The following SLC9A1 variants were observed in gnomAD, a reference collection of about 807,000 sequenced individuals.
SLC9A1 encodes the protein solute carrier family 9 member A1, also known as sodium/hydrogen exchanger 1.
Under a neutral mutation model 67.9 loss-of-function variants are expected in SLC9A1, and 22 were observed. The observed-to-expected ratio is 0.32, with a 90% CI of 0.23 to 0.46. The LOEUF is 0.46. Ranked by LOEUF, SLC9A1 falls within the 20% of genes least tolerant of loss-of-function variation. The pLI is 1.00. For missense variants in SLC9A1, 686 were observed against 1,094.8 expected, an observed-to-expected ratio of 0.63 and a Z score of 5.27; for synonymous variants, 421 against 471.8, an observed-to-expected ratio of 0.89 and a Z score of 1.40.
In SLC9A1 at chr1:27,154,613, G is replaced by A. The variant is rs1297161908; in HGVS notation, c.-279C>T. Reference sequence around the variant, plus strand: ...CTCCGGGCCTGGGAAGGGGGAGGACGGATGTGGGAAACTGAGCCCTAGGGA... The same window carrying A: ...CTCCGGGCCTGGGAAGGGGGAGGACAGATGTGGGAAACTGAGCCCTAGGGA... On this transcript the variant is annotated 5_prime_UTR_variant, in exon 1 of 12. Transcript: ENST00000263980. 6.7e-5 allele frequency: 26 copies of A among 389,966 alleles called. No homozygotes were observed. 24.2% of individuals were successfully genotyped at this position (389,966 alleles called of 1,614,324 possible). A position where few individuals can be genotyped will look rare whatever the true frequency, so the allele number is the denominator to read the frequency against.
intron 1 of SLC9A1, among the ~76,000 whole-genome samples, chr1:27,123,509 CTTT>C (rs890523683): frequency 7.0e-6 from 1 of 143,498 alleles, no homozygotes; most frequent in African/African-American, 2.6e-5. Flanking sequence ...TTTTATTGGG[CTTT>C]TTTTTTTTTA....
intron 1 of SLC9A1, among the ~76,000 whole-genome samples, chr1:27,124,873 C>T (rs1269474602): frequency 1.3e-5 from 2 of 152,030 alleles, no homozygotes; most frequent in African/African-American, 4.8e-5. Context: ...GATGGGGGGC[C>T]TTCCCAGAGG....
chr1:27,144,505 A>T (rs1345495472), intron 1 of SLC9A1, among the ~76,000 whole-genome samples: 2 of 152,192 alleles, frequency 1.3e-5, no homozygotes, highest in African/African-American at 4.8e-5. Flanking sequence ...GCTCCCAGCG[A>T]GCTCAGTTAA....
At chr1:27,107,901 C>T (rs780567371) in intron 3 of SLC9A1, 36 bp from the exon 4 acceptor site, 30 of 1,468,926 alleles carry the variant, frequency 2.0e-5, no homozygotes, top group Admixed American at 1.9e-4. Context: ...GGCTCCGTGT[C>T]GAGCTGCACC....
intron 1 of SLC9A1, among the ~76,000 whole-genome samples, chr1:27,123,674 C>T (rs1048998235): frequency 6.7e-6 from 1 of 150,032 alleles, no homozygotes; most frequent in Non-Finnish European, 1.5e-5. Flanking sequence ...CCACACCTGG[C>T]TAATTTTTGT....
Position 27,106,238 on chromosome 1 carries a change from T to G in SLC9A1, c.1283-151A>C, listed in dbSNP as rs2083184237. 2 of 627,466 alleles carry G rather than the reference T, an allele frequency of 3.2e-6. No homozygotes were observed. The highest frequency in any genetic ancestry group is 5.7e-6 in the Non-Finnish European group (2 of 349,388). 38.9% of individuals were successfully genotyped at this position (627,466 alleles called of 1,614,324 possible). A position where few individuals can be genotyped will look rare whatever the true frequency, so the allele number is the denominator to read the frequency against. On this transcript the variant is annotated intron_variant, in intron 4 of 11. Coordinates refer to ENST00000263980, the MANE Select transcript of SLC9A1 (RefSeq NM_003047.5). The surrounding 1 kb of genome is among the most constrained non-coding windows in gnomAD (Gnocchi z 4.3). The stretch of plus-strand genomic sequence containing the variant: ...AATTCCTGGGTCCCTCAGCCCAGAG[T>G]GCTCTGAACTCCTCAATCCAAGAGC...
intron 1 of SLC9A1, among the ~76,000 whole-genome samples, chr1:27,142,885 C>A (rs1229635297): frequency 6.6e-6 from 1 of 152,008 alleles, no homozygotes; most frequent in African/African-American, 2.4e-5. Flanking sequence ...ATTCTGCAGT[C>A]CCACAGGCAA....
rs1359689057 is a variant in SLC9A1, at chr1:27,100,547, C to G, written c.2208G>C (p.Glu736Asp). ...TCAACCCTAAGACTTTGCCCTTCAG[C>G]TCTTCATTCACCAGGTCCACAGACT... ...SPESVDLVNE[E>D]LKGKVLGLSR... The change falls in exon 12 of 12, where the codon GAG becomes GAC. Residue 736 changes from glutamate to aspartate, a missense_variant. Physicochemically the swap from Glu to Asp is conservative, Grantham distance 45. Coordinates refer to ENST00000263980, the MANE Select transcript of SLC9A1 (RefSeq NM_003047.5). The surrounding 1 kb of genome is among the most constrained non-coding windows in gnomAD (Gnocchi z 5.6). The G allele has an allele frequency of 6.2e-7, 1 of 1,614,070 alleles. No individual in the cohort carries two copies. The highest frequency in any genetic ancestry group is 1.7e-5 in the Admixed American group (1 of 60,014).
Position 27,106,825 on chromosome 1 carries a change from C to T in SLC9A1, c.1283-738G>A, listed in dbSNP as rs1465956100. Among the ~76,000 whole-genome samples, 1 of 152,002 alleles carries T rather than the reference C, an allele frequency of 6.6e-6. No individual in the cohort carries two copies. Among genetic ancestry groups the T allele is most frequent in the Non-Finnish European group, 1.5e-5 (1 of 67,958 alleles). ...CTGTCTTGAGACAGTGCAGAGAGCA[C>T]TCAGCTCAGAGTCACAGACCTGGGT... On this transcript the variant is annotated intron_variant, in intron 4 of 11. Transcript: ENST00000263980. The surrounding 1 kb of genome is among the most constrained non-coding windows in gnomAD (Gnocchi z 4.3).
rs558936275 is a variant in SLC9A1, at chr1:27,101,373, C to A, written c.2038-98G>T. 13 of 920,500 alleles carry A rather than the reference C, an allele frequency of 1.4e-5. No individual in the cohort carries two copies. In the South Asian group the frequency reaches 1.9e-4, roughly 13 times the overall value. The allele number at this position is 920,500 out of a possible 1,614,324, so 57.0% of individuals were successfully genotyped here. A position where few individuals can be genotyped will look rare whatever the true frequency, so the allele number is the denominator to read the frequency against. On this transcript the variant is annotated intron_variant, in intron 10 of 11. Coordinates refer to ENST00000263980, the MANE Select transcript of SLC9A1 (RefSeq NM_003047.5). This position sits in a 1 kb window ranked among gnomAD's most constrained non-coding sequence, Gnocchi z 4.9. Reference sequence around the variant, plus strand: ...GTGCACACCCCACCTTTCGTATATGCAGGGCGCTTGCTCCCCCTCCCTTGT... The same window carrying A: ...GTGCACACCCCACCTTTCGTATATGAAGGGCGCTTGCTCCCCCTCCCTTGT...
chr1:27,114,048 C>T lies in SLC9A1; in HGVS notation c.591G>A (p.Thr197=), dbSNP rs371415963. ...CGCCCAGGAAGAAGGCGTTCCACAG[C>T]GTGCCCACCACGGCAAAGATCAGGA... ...GTILIFAVVG[T]LWNAFFLGGL... The change falls in exon 2 of 12, where the codon ACG becomes ACA. Residue 197 remains threonine (T), a synonymous_variant. Coordinates refer to ENST00000263980, the MANE Select transcript of SLC9A1 (RefSeq NM_003047.5). This position sits in a 1 kb window ranked among gnomAD's most constrained non-coding sequence, Gnocchi z 5.4. 6.2e-6 allele frequency: 10 copies of T among 1,614,024 alleles called. No individual in the cohort carries two copies. The East Asian group carries it at 8.9e-5, about 14-fold the overall frequency.
chr1:27,120,434 C>CT (rs960452243), intron 1 of SLC9A1, among the ~76,000 whole-genome samples: 1 of 150,922 alleles, frequency 6.6e-6, no homozygotes, highest in Admixed American at 6.6e-5. Context: ...CCAAATAATA[C>CT]TTTTTTTAAA....
At position 27,100,350 on chromosome 1, in the gene SLC9A1, G is replaced by A. The variant is rs201599200; in HGVS notation, c.2405C>T (p.Pro802Leu). ...QRCLSDPGPH[P>L]EPGEGEPFFP... Reference sequence around the variant, plus strand: ...GAACGGTTCTCCCTCCCCAGGCTCAGGGTGTGGGCCTGGGTCACTGAGGCA... The same window carrying A: ...GAACGGTTCTCCCTCCCCAGGCTCAAGGTGTGGGCCTGGGTCACTGAGGCA... Residue 802 changes from proline to leucine, a missense_variant, in exon 12 of 12, where the codon CCT (proline) becomes CTT (leucine). Physicochemically the swap from Pro to Leu is moderately conservative, Grantham distance 98. Coordinates refer to ENST00000263980, the MANE Select transcript of SLC9A1 (RefSeq NM_003047.5). This position sits in a 1 kb window ranked among gnomAD's most constrained non-coding sequence, Gnocchi z 5.6. 18 of 1,551,414 alleles carry A rather than the reference G, an allele frequency of 1.2e-5. No homozygotes were observed.
Position 27,109,795 on chromosome 1 carries a change from G to A in SLC9A1, c.814-18C>T, listed in dbSNP as rs904467094. The A allele has an allele frequency of 1.9e-6, 3 of 1,612,648 alleles. No individual in the cohort carries two copies. The highest frequency in any genetic ancestry group is 3.3e-5 in the Admixed American group (2 of 60,008). On this transcript the variant is annotated intron_variant, in intron 2 of 11. Transcript: ENST00000263980. The surrounding 1 kb of genome is among the most constrained non-coding windows in gnomAD (Gnocchi z 5.5). Reference sequence around the variant, plus strand: ...TACAGGACCTGGGGAGGGTGTGCAGGCTGGTGGGTGGGAGGAGAGGGCCCT... The same window carrying A: ...TACAGGACCTGGGGAGGGTGTGCAGACTGGTGGGTGGGAGGAGAGGGCCCT...
intron 2 of SLC9A1, among the ~76,000 whole-genome samples, chr1:27,110,586 T>G (rs1374579453): frequency 6.6e-6 from 1 of 152,198 alleles, no homozygotes; most frequent in African/African-American, 2.4e-5. Context: ...CCTTTGATAG[T>G]CTTTATCTGA....
At chr1:27,119,269 A>G (rs542253931) in intron 1 of SLC9A1, among the ~76,000 whole-genome samples, 1 of 152,258 alleles carries the variant, frequency 6.6e-6, no homozygotes, top group South Asian at 2.1e-4. Context: ...GTGACCAGAC[A>G]TGCCTGATCC....
At chr1:27,107,969 C>A in intron 3 of SLC9A1, 104 bp from the exon 4 acceptor site, 1 of 811,502 alleles carries the variant, frequency 1.2e-6, no homozygotes, top group Non-Finnish European at 2.0e-6. Flanking sequence ...GCCCATGTCC[C>A]AAGCTCCTCT....
At chr1:27,144,760 G>A (rs563410211) in intron 1 of SLC9A1, among the ~76,000 whole-genome samples, 16 of 152,196 alleles carry the variant, frequency 1.1e-4, no homozygotes, top group Admixed American at 2.0e-4. Context: ...TTTAATCTCC[G>A]CACTTTGGGA....
chr1:27,131,247 T>C (rs1297227489), intron 1 of SLC9A1, among the ~76,000 whole-genome samples: 1 of 151,920 alleles, frequency 6.6e-6, no homozygotes, highest in Non-Finnish European at 1.5e-5. Flanking sequence ...CCCCAGACCA[T>C]GGTTCTAACG....
Sources: allele counts gnomAD v4.1 joint callset (sites outside exome capture counted in the v4.1 genomes callset), GRCh38; gene constraint gnomAD v4.1.1; non-coding constraint Gnocchi (gnomAD v3.1); transcripts MANE v1.5; gene names NCBI Gene and HGNC (gene_info 2026-07-23, HGNC 2026-07-21).